Variants in STPG2 observed in about 807,000 individuals in gnomAD.
STPG2 encodes sperm-tail PG-rich repeat-containing protein 2.
A neutral mutation model predicts 54.2 loss-of-function variants in STPG2; 56 were observed. The observed-to-expected ratio is 1.03, with a 90% CI of 0.83 to 1.29. STPG2 has a LOEUF of 1.29. STPG2 is among the 50% of genes most tolerant of loss of function. The pLI is 0.00. For missense variants in STPG2, 596 were observed against 544.9 expected (o/e 1.09, Z -0.93); for synonymous variants, 200 against 181.8 (o/e 1.10, Z -0.81).
At chr4:98,017,380 A>T (rs1337364633) in intron 5 of STPG2, among the ~76,000 whole-genome samples, 1 of 152,180 alleles carries the variant, frequency 6.6e-6, no homozygotes, top group African/African-American at 2.4e-5. Flanking sequence ...GACAAGCTTG[A>T]AGTGTAGGTT....
chr4:97,986,004 C>T (rs373009348), intron 5 of STPG2, among the ~76,000 whole-genome samples: 1 of 152,136 alleles, frequency 6.6e-6, no homozygotes, highest in Admixed American at 6.5e-5. Flanking sequence ...GTCTTCCCCA[C>T]ATCCATCTCT....
At chr4:98,113,196 T>G (rs3857217) in intron 3 of STPG2, among the ~76,000 whole-genome samples, 1 of 151,830 alleles carries the variant, frequency 6.6e-6, no homozygotes, top group East Asian at 1.9e-4. Context: ...TTGGTGGAAA[T>G]GCCCAGCAGA....
intron 7 of STPG2, among the ~76,000 whole-genome samples, chr4:97,949,050 C>G (rs1733361782): frequency 6.6e-6 from 1 of 152,036 alleles, no homozygotes; most frequent in Admixed American, 6.6e-5. Flanking sequence ...TCTATCTCCT[C>G]TCTTAAGTCA....
At chr4:97,964,366 GCAATCATCCTTAAAAAGGATGTA>G (rs1450055230) in intron 7 of STPG2, among the ~76,000 whole-genome samples, 3 of 152,096 alleles carry the variant, frequency 2.0e-5, no homozygotes, top group South Asian at 2.1e-4. Flanking sequence ...ATCTTTGAAG[GCAATCATCCTTAAAAAGGATGTA>G]CAATCATCCT....
At chr4:97,615,536 T>C (rs989704182) in intron 10 of STPG2, among the ~76,000 whole-genome samples, 1 of 152,062 alleles carries the variant, frequency 6.6e-6, no homozygotes, top group Non-Finnish European at 1.5e-5. Context: ...GATCCTCCCA[T>C]ATTGGCCTCC....
In STPG2 at chr4:97,745,608, C is replaced by G. The variant is rs185338650; in HGVS notation, c.1205-32794G>C. ...AAATTAATAGTCATAAATAAAATGTCTAAAAAACTGTTCTCTTAATTTATA... is the reference window on the plus strand; with the variant it reads ...AAATTAATAGTCATAAATAAAATGTGTAAAAAACTGTTCTCTTAATTTATA... On this transcript the variant is annotated intron_variant, in intron 9 of 10. Coordinates refer to ENST00000295268, the MANE Select transcript of STPG2 (RefSeq NM_174952.3). 2.9e-3 allele frequency among the ~76,000 whole-genome samples: 433 copies of G among 151,070 alleles called. 1 individual carries two copies. The highest frequency in any genetic ancestry group is 4.9e-3 in the Non-Finnish European group (329 of 67,246).
intron 4 of STPG2, among the ~76,000 whole-genome samples, chr4:97,538,432 A>G (rs1403626865): frequency 6.6e-6 from 1 of 152,222 alleles, no homozygotes; most frequent in African/African-American, 2.4e-5. Flanking sequence ...AACTGGAAGA[A>G]AGGATATCAG....
At chr4:97,667,467 A>C (rs1722563942) in intron 10 of STPG2, among the ~76,000 whole-genome samples, 1 of 152,208 alleles carries the variant, frequency 6.6e-6, no homozygotes, top group African/African-American at 2.4e-5. Flanking sequence ...GTAAGGAAGG[A>C]ATGATTCCCA....
At chr4:97,885,209 C>A (rs1730518175) in intron 8 of STPG2, among the ~76,000 whole-genome samples, 1 of 152,094 alleles carries the variant, frequency 6.6e-6, no homozygotes, top group Non-Finnish European at 1.5e-5. Context: ...ACAACTTCAG[C>A]CTGAAACCCT....
chr4:97,812,809 A>T (rs148342206), intron 9 of STPG2, among the ~76,000 whole-genome samples: 1 of 152,280 alleles, frequency 6.6e-6, no homozygotes, highest in African/African-American at 2.4e-5. Flanking sequence ...TTTTCAGGCC[A>T]GACATTCTCC....
intron 10 of STPG2, among the ~76,000 whole-genome samples, chr4:97,690,446 A>C (rs1401856574): frequency 6.6e-6 from 1 of 152,170 alleles, no homozygotes; most frequent in Non-Finnish European, 1.5e-5. Flanking sequence ...ATACTAATAT[A>C]GTACCACCAA....
intron 10 of STPG2, among the ~76,000 whole-genome samples, chr4:97,561,950 T>G (rs1254670595): frequency 1.8e-4 from 27 of 152,198 alleles, no homozygotes; most frequent in Non-Finnish European, 2.9e-5. Flanking sequence ...ATATGAACTT[T>G]AAAGTAGTTT....
intron 10 of STPG2, among the ~76,000 whole-genome samples, chr4:97,638,585 A>G: frequency 6.7e-6 from 1 of 149,644 alleles, no homozygotes; most frequent in African/African-American, 2.5e-5. Context: ...AAATTTTTGC[A>G]ACCTACTCAT....
At chr4:97,934,608 T>C (rs187748013) in intron 8 of STPG2, among the ~76,000 whole-genome samples, 43 of 152,328 alleles carry the variant, frequency 2.8e-4, no homozygotes, top group African/African-American at 9.9e-4. Context: ...TCTGTGTTTA[T>C]TGAAATAATA....
intron 10 of STPG2, among the ~76,000 whole-genome samples, chr4:97,584,205 A>C (rs1732934569): frequency 6.6e-6 from 1 of 152,024 alleles, no homozygotes; most frequent in South Asian, 2.1e-4. Context: ...GTGTAATAAA[A>C]CTGGTCATTA....
chr4:97,727,862 G>A (rs1478225902), intron 9 of STPG2, among the ~76,000 whole-genome samples: 2 of 151,576 alleles, frequency 1.3e-5, no homozygotes, highest in African/African-American at 2.4e-5. Context: ...TATGATTCCA[G>A]TTAAGAAGCA....
At chr4:97,683,916 C>T (rs1211531928) in intron 10 of STPG2, among the ~76,000 whole-genome samples, 5 of 151,704 alleles carry the variant, frequency 3.3e-5, no homozygotes, top group African/African-American at 1.2e-4. Flanking sequence ...AGCAGAGTTG[C>T]AGGATACAAA....
intron 10 of STPG2, among the ~76,000 whole-genome samples, chr4:97,641,779 T>C (rs999372278): frequency 5.3e-5 from 8 of 151,530 alleles, no homozygotes; most frequent in African/African-American, 1.7e-4. Context: ...ATATTTTATA[T>C]TGCTTTATTT....
At chr4:98,022,568 T>C (rs918741539) in intron 5 of STPG2, among the ~76,000 whole-genome samples, 4 of 151,926 alleles carry the variant, frequency 2.6e-5, no homozygotes, top group Non-Finnish European at 4.4e-5. Flanking sequence ...TTGGCCTGCC[T>C]TGCTAGATTG....
Sources: allele counts gnomAD v4.1 joint callset (sites outside exome capture counted in the v4.1 genomes callset), GRCh38; gene constraint gnomAD v4.1.1; transcripts MANE v1.5; gene names NCBI Gene and HGNC (gene_info 2026-07-23, HGNC 2026-07-21).